Variants in POLR2F observed in about 807,000 individuals in gnomAD.
POLR2F encodes the protein DNA-directed RNA polymerases I, II, and III subunit RPABC2.
In POLR2F, 12 loss-of-function variants were observed where a neutral mutation model predicts 22.7. That is an observed-to-expected ratio of 0.53 (90% CI 0.34 to 0.86). The LOEUF is 0.86. Ranked by LOEUF, POLR2F falls within the 40% of genes least tolerant of loss-of-function variation. The pLI is 0.02. For missense variants in POLR2F, 126 were observed against 171.5 expected (o/e 0.73, Z 1.48); for synonymous variants, 57 against 66.0 (o/e 0.86, Z 0.66).
At position 37,978,153 on chromosome 22, in the gene POLR2F, G is replaced by A; in HGVS notation, c.293+10983G>A. 12 of 1,537,584 alleles carry A rather than the reference G, an allele frequency of 7.8e-6. No individual in the cohort carries two copies. The highest frequency in any genetic ancestry group is 1.0e-5 in the Non-Finnish European group (12 of 1,143,002). Reference sequence around the variant, plus strand: ...TCAGCAGCCTGGGGTGTGGTGGGAGGCGGAGAGGACAGCAGAGGGGCTGGC... The same window carrying A: ...TCAGCAGCCTGGGGTGTGGTGGGAGACGGAGAGGACAGCAGAGGGGCTGGC... On this transcript the variant is annotated intron_variant, in intron 4 of 4. Transcript: ENST00000405557. This position sits in a 1 kb window ranked among gnomAD's most constrained non-coding sequence, Gnocchi z 5.0.
At chr22:38,036,462 C>T (rs1347894326) in intron 5 of POLR2F, among the ~76,000 whole-genome samples, 1 of 151,116 alleles carries the variant, frequency 6.6e-6, no homozygotes, top group African/African-American at 2.4e-5. Flanking sequence ...ATTAGTGAAC[C>T]GCCCTCATGG....
rs1222209313 is a variant in POLR2F, at chr22:37,968,178, G to A, written c.*463G>A. ...CCATTGTTTCCTAAGGACCTGCTTC[G>A]AGCCTCTTATCGTGGGCTCGGATCC... On this transcript the variant is annotated 3_prime_UTR_variant, in exon 5 of 5. Coordinates refer to ENST00000442738, the MANE Select transcript of POLR2F (RefSeq NM_021974.5). 10 of 985,410 alleles carry A rather than the reference G, an allele frequency of 1.0e-5. No individual in the cohort carries two copies. Among genetic ancestry groups the A allele is most frequent in the South Asian group, 4.7e-5 (1 of 21,304 alleles). The allele number at this position is 985,410 out of a possible 1,614,324, so 61.0% of individuals were successfully genotyped here.
In POLR2F at chr22:37,968,004, C is replaced by T. The variant is rs1931926238; in HGVS notation, c.*289C>T. On this transcript the variant is annotated 3_prime_UTR_variant, in exon 5 of 5. Coordinates refer to ENST00000442738, the MANE Select transcript of POLR2F (RefSeq NM_021974.5). ...AGAGCAAAGGCTGCTGCAGGGGAGA[C>T]ACCTCAGCTGCCTTCCAAGCAGACA... 9.3e-7 allele frequency: 1 copy of T among 1,071,718 alleles called. No homozygotes were observed. Among genetic ancestry groups the T allele is most frequent in the South Asian group, 3.4e-5 (1 of 29,052 alleles). The allele number at this position is 1,071,718 out of a possible 1,614,324, so 66.4% of individuals were successfully genotyped here.
intron 4 of POLR2F, among the ~76,000 whole-genome samples, chr22:37,979,903 C>T (rs764317748): frequency 1.2e-4 from 19 of 152,070 alleles, no homozygotes; most frequent in Non-Finnish European, 2.2e-4. Flanking sequence ...TCAGCTGCCC[C>T]ACCCCTCACA....
intron 3 of POLR2F, among the ~76,000 whole-genome samples, chr22:37,966,331 G>A (rs970461412): frequency 6.6e-6 from 1 of 152,130 alleles, no homozygotes; most frequent in Admixed American, 6.6e-5. Context: ...AAGGCAAACA[G>A]GGACCAGACT....
At chr22:38,007,660 C>T (rs1280576340) in intron 1 of POLR2F, among the ~76,000 whole-genome samples, 3 of 152,184 alleles carry the variant, frequency 2.0e-5, no homozygotes, top group African/African-American at 7.2e-5. Flanking sequence ...TCCAGTTCTT[C>T]CCGAGTCCCC....
In POLR2F at chr22:37,989,358, C is replaced by A. The variant is rs545840150; in HGVS notation, c.120+3046C>A. ...AAATCATTTAGCTATTAGGCCAGCA[C>A]TGGGAGGTGTGGAGGATGCTCACCT... On this transcript the variant is annotated intron_variant, in intron 1 of 2. Transcript: ENST00000333418. Among the ~76,000 whole-genome samples the A allele has an allele frequency of 2.6e-5, 4 of 152,340 alleles. No homozygotes were observed. In the South Asian group the frequency reaches 8.3e-4, roughly 32 times the overall value.
At chr22:37,960,724 G>A (rs1457294063) in intron 3 of POLR2F, among the ~76,000 whole-genome samples, 4 of 150,050 alleles carry the variant, frequency 2.7e-5, no homozygotes, top group East Asian at 2.0e-4. Flanking sequence ...TAGTAGAGAC[G>A]GGGTTTCACC....
chr22:37,977,819 T>A (rs1932267483), intron 4 of POLR2F: 1 of 1,574,426 alleles, frequency 6.4e-7, no homozygotes, highest in African/African-American at 1.3e-5. Context: ...ATCTCCTGTC[T>A]CCACTGACTG....
chr22:37,979,694 C>T (rs1000474971), intron 4 of POLR2F, among the ~76,000 whole-genome samples: 26 of 152,056 alleles, frequency 1.7e-4, no homozygotes, highest in Non-Finnish European at 3.7e-4. Context: ...CCCTTGCCAC[C>T]GACTCCAGCC....
At chr22:37,975,039 C>T (rs1369211102) in intron 4 of POLR2F, among the ~76,000 whole-genome samples, 1 of 152,192 alleles carries the variant, frequency 6.6e-6, no homozygotes, top group African/African-American at 2.4e-5. Flanking sequence ...ATACGCTGGC[C>T]TGTGTTGCCC....
downstream of POLR2F, chr22:37,972,426 A>T: frequency 5.5e-6 from 2 of 366,206 alleles, no homozygotes; most frequent in South Asian, 4.3e-5. Flanking sequence ...AATGAGTTAC[A>T]TGTGGATTTG....
chr22:38,027,053 G>C, downstream of POLR2F, among the ~76,000 whole-genome samples: 1 of 152,180 alleles, frequency 6.6e-6, no homozygotes, highest in East Asian at 1.9e-4. Context: ...GATGGTGATG[G>C]CCTGCGGGAT....
At chr22:37,959,717 T>TA (rs139867) in intron 3 of POLR2F, among the ~76,000 whole-genome samples, 121 of 141,268 alleles carry the variant, frequency 8.6e-4, no homozygotes, top group Admixed American at 2.1e-3. Flanking sequence ...AGAAAAACGA[T>TA]AAAAAAAAAA....
chr22:37,960,428 C>G (rs11705635), intron 3 of POLR2F, among the ~76,000 whole-genome samples: 193 of 152,146 alleles, frequency 1.3e-3, no homozygotes, highest in Non-Finnish European at 1.6e-3. Flanking sequence ...GATGGAGTCT[C>G]GCTCTATCAC....
chr22:38,039,954 A>G (rs2085155343), intron 5 of POLR2F, among the ~76,000 whole-genome samples: 1 of 152,112 alleles, frequency 6.6e-6, no homozygotes, highest in Non-Finnish European at 1.5e-5. Context: ...GTCTCAAGAG[A>G]CAGTAAAAGT....
rs1032889524 is a variant in POLR2F, at chr22:37,997,607, G to T, written c.120+11295G>T. 6.6e-6 allele frequency among the ~76,000 whole-genome samples: 1 copy of T among 152,114 alleles called. No individual in the cohort carries two copies. Among genetic ancestry groups the T allele is most frequent in the African/African-American group, 2.4e-5 (1 of 41,390 alleles). ...GAGCTGACAAGTTAGAGAAGCCAAGGCTTGTGGCAACCTGCAGTCTTCCCC... is the reference window on the plus strand; with the variant it reads ...GAGCTGACAAGTTAGAGAAGCCAAGTCTTGTGGCAACCTGCAGTCTTCCCC... On this transcript the variant is annotated intron_variant, in intron 1 of 2. Coordinates refer to the POLR2F transcript ENST00000333418. The surrounding 1 kb of genome is among the most constrained non-coding windows in gnomAD (Gnocchi z 4.4).
intron 1 of POLR2F, among the ~76,000 whole-genome samples, chr22:38,011,846 A>G (rs2145810501): frequency 6.6e-6 from 1 of 152,120 alleles, no homozygotes; most frequent in South Asian, 2.1e-4. Flanking sequence ...CTATAGGACA[A>G]TGTGGGGAGA....
chr22:38,037,045 C>T (rs2085122944), intron 5 of POLR2F, among the ~76,000 whole-genome samples: 2 of 152,162 alleles, frequency 1.3e-5, no homozygotes, highest in African/African-American at 4.8e-5. Context: ...TATTCTGGAA[C>T]TCATGGCTGC....
Sources: allele counts gnomAD v4.1 joint callset (sites outside exome capture counted in the v4.1 genomes callset), GRCh38; gene constraint gnomAD v4.1.1; non-coding constraint Gnocchi (gnomAD v3.1); transcripts MANE v1.5; gene names NCBI Gene and HGNC (gene_info 2026-07-23, HGNC 2026-07-21).